ZNF384: variants seen among roughly 807,000 people sequenced by gnomAD.
The protein encoded by ZNF384 is CAG repeat protein 1.
In ZNF384, 20 loss-of-function variants were observed where a neutral mutation model predicts 65.0. The observed-to-expected ratio is 0.31, with a 90% CI of 0.22 to 0.45. ZNF384 has a LOEUF of 0.45. Among genes scored for constraint, ZNF384 ranks in the 20% least tolerant of loss-of-function variants. The pLI, the probability that ZNF384 is intolerant of heterozygous loss-of-function variation, is 1.00. For missense variants in ZNF384, 549 were observed against 769.4 expected (o/e 0.71, Z 3.39); for synonymous variants, 310 against 303.9 (o/e 1.02, Z -0.21).
chr12:6,676,741 TGATA>T (rs1284903128), intron 7 of ZNF384, among the ~76,000 whole-genome samples: 1 of 152,242 alleles, frequency 6.6e-6, no homozygotes, highest in East Asian at 1.9e-4. Flanking sequence ...TTTTATGAAC[TGATA>T]TATAAGAGAA....
In ZNF384 at chr12:6,666,592, A is replaced by ATT; in HGVS notation, c.*1120_*1121dup. 6.8e-6 allele frequency: 1 copy of ATT among 147,300 alleles called. No individual in the cohort carries two copies. Among genetic ancestry groups the ATT allele is most frequent in the East Asian group, 1.4e-4 (1 of 6,986 alleles). 9.1% of individuals were successfully genotyped at this position (147,300 alleles called of 1,614,324 possible). On this transcript the variant is annotated 3_prime_UTR_variant, in exon 12 of 12. Coordinates refer to ENST00000683879, the MANE Select transcript of ZNF384 (RefSeq NM_001385745.1). The stretch of plus-strand genomic sequence containing the variant: ...TTACTTTATAACAACTGGTTTCCTG[A>ATT]TTTTTTTTTTAATTTCCTTTCCTCT...
At chr12:6,668,426 G>A (rs1179965691) in intron 11 of ZNF384, among the ~76,000 whole-genome samples, 1 of 152,158 alleles carries the variant, frequency 6.6e-6, no homozygotes, top group Non-Finnish European at 1.5e-5. Flanking sequence ...AACTGGGCCA[G>A]GTGCGGTGGC....
At chr12:6,679,381 G>T in intron 3 of ZNF384, 74 bp downstream of exon 3, 2 of 1,426,846 alleles carry the variant, frequency 1.4e-6, no homozygotes, top group Non-Finnish European at 2.0e-6. Flanking sequence ...ACAGCATGTG[G>T]TGTACCTTCA....
chr12:6,688,342 A>C (rs1958699629), intron 1 of ZNF384, 116 bp from the exon 2 acceptor site: 1 of 152,490 alleles, frequency 6.6e-6, no homozygotes, highest in African/African-American at 2.4e-5. Flanking sequence ...CAGACCCCCC[A>C]GCCAGCAATC....
At position 6,678,110 on chromosome 12, in the gene ZNF384, C is replaced by T; in HGVS notation, c.686+17G>A. 1.9e-6 allele frequency: 3 copies of T among 1,599,866 alleles called. No individual in the cohort carries two copies. Among genetic ancestry groups the T allele is most frequent in the Non-Finnish European group, 2.6e-6 (3 of 1,170,132 alleles). Reference sequence around the variant, plus strand: ...CAGGGATCCTCGCCCCATCCTGCCCCTGGCTCTGAGTCTTACCTGTAGGTC... The same window carrying T: ...CAGGGATCCTCGCCCCATCCTGCCCTTGGCTCTGAGTCTTACCTGTAGGTC... On this transcript the variant is annotated intron_variant, in intron 6 of 11. Coordinates refer to ENST00000683879, the MANE Select transcript of ZNF384 (RefSeq NM_001385745.1). This position sits in a 1 kb window ranked among gnomAD's most constrained non-coding sequence, Gnocchi z 4.9.
intron 2 of ZNF384, among the ~76,000 whole-genome samples, chr12:6,682,365 C>CAA (rs1956333143): frequency 6.8e-6 from 1 of 146,938 alleles, no homozygotes; most frequent in Non-Finnish European, 1.5e-5. Flanking sequence ...CAAAACAAAA[C>CAA]AAAACAAAAC....
chr12:6,673,300 C>T lies in ZNF384; in HGVS notation c.920G>A (p.Arg307His), dbSNP rs2136647129. ...ANSSYLAQHI[R>H]IHSGAKPYSC... ...GTAGGGCTTAGCCCCTGAGTGTATACGGATGTGCTGGGCCAGGTAGGAGCT... is the reference window on the plus strand; with the variant it reads ...GTAGGGCTTAGCCCCTGAGTGTATATGGATGTGCTGGGCCAGGTAGGAGCT... Residue 307 changes from arginine to histidine, a missense_variant, in exon 8 of 12, where the codon CGT becomes CAT. Arg to His is a conservative substitution (Grantham distance 29). Around this residue, in one of 5 missense-constraint regions of ZNF384, gnomAD observed 39 missense variants for 85.8 expected, o/e 0.45. Transcript: ENST00000683879. This position sits in a 1 kb window ranked among gnomAD's most constrained non-coding sequence, Gnocchi z 4.7. 2 of 1,613,552 alleles carry T rather than the reference C, an allele frequency of 1.2e-6. No individual in the cohort carries two copies. The highest frequency in any genetic ancestry group is 1.7e-6 in the Non-Finnish European group (2 of 1,179,980).
In ZNF384 at chr12:6,679,025, C is replaced by T. The variant is rs1346002591; in HGVS notation, c.225G>A (p.Gln75=). The change falls in exon 4 of 12, where the codon CAG becomes CAA. Residue 75 remains glutamine, a synonymous_variant. Coordinates refer to ENST00000683879, the MANE Select transcript of ZNF384 (RefSeq NM_001385745.1). ...CGGACGCTTGGCTGTGTGGGGTCAG[C>T]TGGTCTGACTTGGACTCTGTGTCCA... ...ISMDTESKSD[Q]LTPHSQASVT... is the part of the protein sequence containing the mutation. The T allele has an allele frequency of 6.2e-7, 1 of 1,613,880 alleles. No homozygotes were observed. The highest frequency in any genetic ancestry group is 8.5e-7 in the Non-Finnish European group (1 of 1,180,002).
At chr12:6,681,825 G>C (rs879926541) in intron 2 of ZNF384, among the ~76,000 whole-genome samples, 1 of 152,102 alleles carries the variant, frequency 6.6e-6, no homozygotes, top group South Asian at 2.1e-4. Flanking sequence ...AAAAAGTAGC[G>C]AGGGTGCAAT....
At chr12:6,669,305 GAAGA>G in intron 10 of ZNF384, 116 bp from the exon 11 acceptor site, 1 of 1,016,596 alleles carries the variant, frequency 9.8e-7, no homozygotes, top group Non-Finnish European at 1.4e-6. Context: ...CCCTCTATCT[GAAGA>G]AAGTAGAAAT....
intron 7 of ZNF384, among the ~76,000 whole-genome samples, chr12:6,676,299 T>A (rs1466645384): frequency 1.2e-4 from 18 of 150,892 alleles, no homozygotes; most frequent in Non-Finnish European, 2.2e-4. Flanking sequence ...AGACTCCGTC[T>A]CAAAAAAAAA....
intron 7 of ZNF384, among the ~76,000 whole-genome samples, chr12:6,676,021 C>T (rs1179291844): frequency 1.3e-5 from 2 of 152,164 alleles, no homozygotes; most frequent in South Asian, 2.1e-4. Context: ...TTTCTTTTGC[C>T]AGGCACAGTG....
chr12:6,682,211 T>G (rs1040658253), intron 2 of ZNF384, among the ~76,000 whole-genome samples: 2 of 151,562 alleles, frequency 1.3e-5, no homozygotes, highest in African/African-American at 2.4e-5. Flanking sequence ...TCCTAGGTAT[T>G]TGGAAGGCTG....
chr12:6,671,502 C>T (rs1196234167), intron 9 of ZNF384: 2 of 152,326 alleles, frequency 1.3e-5, no homozygotes, highest in East Asian at 3.8e-4. Flanking sequence ...AGAACCATCT[C>T]TATGACCAGG....
Position 6,678,547 on chromosome 12 carries a change from T to C in ZNF384, c.353-87A>G, listed in dbSNP as rs1016818300. ...CATTTCCCCCAGATCATTGTCTAAT[T>C]AACCCCTCACCCCCCCGCCGACCCA... On this transcript the variant is annotated intron_variant, in intron 5 of 11. Coordinates refer to ENST00000683879, the MANE Select transcript of ZNF384 (RefSeq NM_001385745.1). This position sits in a 1 kb window ranked among gnomAD's most constrained non-coding sequence, Gnocchi z 4.9. The C allele has an allele frequency of 2.6e-5, 40 of 1,531,200 alleles. No individual in the cohort carries two copies. Among genetic ancestry groups the C allele is most frequent in the Non-Finnish European group, 3.3e-5 (37 of 1,118,704 alleles). 94.9% of individuals were successfully genotyped at this position (1,531,200 alleles called of 1,614,324 possible).
At position 6,669,151 on chromosome 12, in the gene ZNF384, C is replaced by T; in HGVS notation, c.1305G>A (p.Lys435=). 1.2e-6 allele frequency: 2 copies of T among 1,613,482 alleles called. No individual in the cohort carries two copies. Among genetic ancestry groups the T allele is most frequent in the Middle Eastern group, 1.7e-4 (1 of 6,058 alleles). The stretch of plus-strand genomic sequence containing the variant: ...TGTACGCCCGATGACAGTTGTGGCA[C>T]TTGAAGGGTTTATCTTTGTTGTGTT... ...RRQHNKDKPF[K]CHNCHRAYTD... is the part of the protein sequence containing the mutation. The change falls in exon 11 of 12, where the codon AAG becomes AAA. Residue 435 remains lysine (K), a synonymous_variant. Transcript: ENST00000683879.
Position 6,672,497 on chromosome 12 carries a change from G to A in ZNF384, c.1040C>T (p.Pro347Leu). 6.2e-7 allele frequency: 1 copy of A among 1,614,142 alleles called. No homozygotes were observed. Among genetic ancestry groups the A allele is most frequent in the Non-Finnish European group, 8.5e-7 (1 of 1,180,022 alleles). ...CTTGGAGCAGTGCGGGCACTTGTGG[G>A]GCTTGATGGTCTCCGTGTGCATCTT... ...HSKMHTETIK[P>L]HKCPHCSKTF... Residue 347 changes from proline to leucine, a missense_variant, in exon 9 of 12, where the codon CCC becomes CTC. By Grantham distance (98) the Pro-to-Leu change is moderately conservative. Transcript: ENST00000683879. This position sits in a 1 kb window ranked among gnomAD's most constrained non-coding sequence, Gnocchi z 4.4.
intron 2 of ZNF384, among the ~76,000 whole-genome samples, chr12:6,683,824 C>A (rs1956975900): frequency 6.6e-6 from 1 of 152,154 alleles, no homozygotes. Context: ...CAAGACCAGT[C>A]TGGCCAAGAT....
At position 6,678,458 on chromosome 12, in the gene ZNF384, G is replaced by A. The variant is rs1257338474; in HGVS notation, c.355C>T (p.Pro119Ser). 6.3e-7 allele frequency: 1 copy of A among 1,578,298 alleles called. No homozygotes were observed. The highest frequency in any genetic ancestry group is 1.9e-5 in the Admixed American group (1 of 52,728). ...WRREGSQSRG[P>S]GLVITSPSGS... ...GAGGGGGACGTGATTACCAAACCCG[G>A]ACCTAGGATTGGGAGAAAAAGGAGA... Residue 119 changes from proline (P) to serine (S), a missense_variant and splice_region_variant, in exon 6 of 12, where the codon CCG (proline) becomes TCG (serine). By Grantham distance (74) the Pro-to-Ser change is moderately conservative (BLOSUM62 -1). This residue lies in a region of ZNF384 where 277 missense variants were observed against 337.2 expected (regional missense o/e 0.82). Coordinates refer to ENST00000683879, the MANE Select transcript of ZNF384 (RefSeq NM_001385745.1). The surrounding 1 kb of genome is among the most constrained non-coding windows in gnomAD (Gnocchi z 4.9).
Sources: allele counts gnomAD v4.1 joint callset (sites outside exome capture counted in the v4.1 genomes callset), GRCh38; gene constraint gnomAD v4.1.1; regional missense constraint gnomAD v4.1.1; non-coding constraint Gnocchi (gnomAD v3.1); transcripts MANE v1.5; gene names NCBI Gene and HGNC (gene_info 2026-07-23, HGNC 2026-07-21).